Variants in PRKAG1 observed in about 807,000 individuals in gnomAD.
PRKAG1 encodes the protein 5'-AMP-activated protein kinase subunit gamma-1.
PRKAG1 carries 27 observed loss-of-function variants against 48.2 expected under a neutral mutation model. That is an observed-to-expected ratio of 0.56 (90% confidence interval 0.41 to 0.77). PRKAG1 has a LOEUF of 0.77. PRKAG1 is among the 30% of genes least tolerant of loss of function. PRKAG1 has a pLI of 0.00. For missense variants in PRKAG1, 287 were observed against 398.3 expected (o/e 0.72, Z 2.38); for synonymous variants, 130 against 147.7 (o/e 0.88, Z 0.87).
intron 2 of PRKAG1, among the ~76,000 whole-genome samples, chr12:49,008,021 G>A (rs940397687): frequency 6.6e-6 from 1 of 151,848 alleles, no homozygotes; most frequent in African/African-American, 2.4e-5. Context: ...CACCATGCCC[G>A]GCTAAATTTT....
At position 49,005,913 on chromosome 12, in the gene PRKAG1, C is replaced by T. The variant is rs1941519334; in HGVS notation, c.59-61G>A. ...CATAAAAACTCCCAATCAAAAGAGA[C>T]AGAAAACAAAATAGTGTTCTAGTAT... On this transcript the variant is annotated intron_variant, in intron 2 of 11. Transcript: ENST00000548065. This position sits in a 1 kb window ranked among gnomAD's most constrained non-coding sequence, Gnocchi z 4.1. 4.9e-5 allele frequency: 62 copies of T among 1,260,896 alleles called. 1 individual carries two copies. The South Asian group carries it at 8.8e-4, about 18-fold the overall frequency. 78.1% of individuals were successfully genotyped at this position (1,260,896 alleles called of 1,614,324 possible). A position where few individuals can be genotyped will look rare whatever the true frequency, so the allele number is the denominator to read the frequency against.
At chr12:49,017,093 A>G (rs1178798366) in intron 1 of PRKAG1, 2 of 453,028 alleles carry the variant, frequency 4.4e-6, no homozygotes, top group South Asian at 1.6e-5. Context: ...CTCTGTTTTC[A>G]TATTGATGAC....
chr12:49,008,403 A>G (rs1276004468), intron 2 of PRKAG1: 1 of 152,182 alleles, frequency 6.6e-6, no homozygotes, highest in Non-Finnish European at 1.5e-5. Flanking sequence ...CTACCCAAAG[A>G]AATCTCCCTG....
chr12:49,012,465 C>T (rs1234444857), intron 2 of PRKAG1: 1 of 151,828 alleles, frequency 6.6e-6, no homozygotes, highest in Non-Finnish European at 1.5e-5. Context: ...GCAATTTCTG[C>T]CTCCCTGGTT....
intron 2 of PRKAG1, among the ~76,000 whole-genome samples, chr12:49,006,669 C>CT (rs1941547855): frequency 6.6e-6 from 1 of 152,172 alleles, no homozygotes; most frequent in Non-Finnish European, 1.5e-5. Flanking sequence ...ACTACGTGCA[C>CT]TTAAAAATAT....
Position 49,005,634 on chromosome 12 carries a change from T to C in PRKAG1, c.169-91A>G, listed in dbSNP as rs756484181. Reference sequence around the variant, plus strand: ...GTGTTTGGGCATGTTGGGTAAAACATGAGACTAACTTCACAGAAGGATAAG... The same window carrying C: ...GTGTTTGGGCATGTTGGGTAAAACACGAGACTAACTTCACAGAAGGATAAG... On this transcript the variant is annotated intron_variant, in intron 3 of 11. Coordinates refer to ENST00000548065, the MANE Select transcript of PRKAG1 (RefSeq NM_002733.5). The surrounding 1 kb of genome is among the most constrained non-coding windows in gnomAD (Gnocchi z 4.1). The C allele has an allele frequency of 3.1e-6, 5 of 1,612,408 alleles. No homozygotes were observed. The highest frequency in any genetic ancestry group is 4.2e-6 in the Non-Finnish European group (5 of 1,179,088).
At position 49,002,344 on chromosome 12, in the gene PRKAG1, C is replaced by G. The variant is rs1941323213; in HGVS notation, c.*555G>C. The G allele has an allele frequency of 1.1e-5, 2 of 185,028 alleles. No homozygotes were observed. The highest frequency in any genetic ancestry group is 2.3e-5 in the Non-Finnish European group (2 of 87,370). 11.5% of individuals were successfully genotyped at this position (185,028 alleles called of 1,614,324 possible). A position where few individuals can be genotyped will look rare whatever the true frequency, so the allele number is the denominator to read the frequency against. On this transcript the variant is annotated 3_prime_UTR_variant, in exon 12 of 12. Transcript: ENST00000548065. The stretch of plus-strand genomic sequence containing the variant: ...AATAACCTTAGCTAACCACGCTGCT[C>G]TCCTCCTCCACCTAACCCCCATCTC...
Position 49,003,881 on chromosome 12 carries a change from CAG to C in PRKAG1, c.577_578del (p.Leu193GlyfsTer40). 1 of 1,613,014 alleles carries C rather than the reference CAG, an allele frequency of 6.2e-7. No homozygotes were observed. Among genetic ancestry groups the C allele is most frequent in the Non-Finnish European group, 8.5e-7 (1 of 1,179,390 alleles). On this transcript the variant is annotated frameshift_variant, in exon 9 of 12. Transcript: ENST00000548065. LOFTEE classifies it high-confidence loss of function. ...CATAGGTGCCAATCTGTAGCTCTTC[CAG>C]AGACTTGGACATGAACTCTGGCTTG... ...FPKPEFMSKS[L>X]EELQIGTYAN...
intron 1 of PRKAG1, among the ~76,000 whole-genome samples, chr12:49,013,535 C>T (rs1212443498): frequency 6.6e-6 from 1 of 152,140 alleles, no homozygotes; most frequent in African/African-American, 2.4e-5. Context: ...CGAGTTACTG[C>T]ACCCAGCCTT....
At chr12:49,018,627 G>C in intron 1 of PRKAG1, 105 bp downstream of exon 1, 1 of 1,588,244 alleles carries the variant, frequency 6.3e-7, no homozygotes, top group South Asian at 1.1e-5. Context: ...CTTTTTGTTT[G>C]CTAGACACCA....
rs188013506 is a variant in PRKAG1 at position 49,006,809 on chromosome 12, A to G, written c.59-957T>C. The stretch of plus-strand genomic sequence containing the variant: ...ACATGGATAAACCCTGTCTCTATTA[A>G]AAATACAAAATTAGCCGGGCATGGT... On this transcript the variant is annotated intron_variant, in intron 2 of 11. Transcript: ENST00000548065. Among the ~76,000 whole-genome samples the G allele has an allele frequency of 3.6e-3, 551 of 151,700 alleles. 5 individuals carry two copies. Among genetic ancestry groups the G allele is most frequent in the Non-Finnish European group, 4.0e-3 (275 of 67,924 alleles).
At position 49,003,864 on chromosome 12, in the gene PRKAG1, C is replaced by G; in HGVS notation, c.596G>C (p.Gly199Ala). ...AACCATAGCAATATTGGCATAGGTG[C>G]CAATCTGTAGCTCTTCCAGAGACTT... ...MSKSLEELQI[G>A]TYANIAMVRT... Residue 199 changes from glycine (G) to alanine (A), a missense_variant, in exon 9 of 12, where the codon GGC becomes GCC. By Grantham distance (60) the Gly-to-Ala change is moderately conservative. Transcript: ENST00000548065. The G allele has an allele frequency of 6.2e-7, 1 of 1,613,962 alleles. No homozygotes were observed. Among genetic ancestry groups the G allele is most frequent in the South Asian group, 1.1e-5 (1 of 91,066 alleles).
chr12:49,003,648 C>G, intron 9 of PRKAG1, 53 bp from the exon 10 acceptor site: 1 of 1,612,092 alleles, frequency 6.2e-7, no homozygotes. Flanking sequence ...AAAGCTCCCC[C>G]TACTCATAGA....
In PRKAG1 at chr12:49,004,953, C is replaced by G. The variant is rs201814703; in HGVS notation, c.410+11G>C. On this transcript the variant is annotated intron_variant, in intron 7 of 11. Transcript: ENST00000548065. ...TTCCGCTTTTTGGACAGATGGGTAA[C>G]TGGAACTCACCTGGCATTAGGAGAA... The G allele has an allele frequency of 1.8e-5, 29 of 1,613,306 alleles. No individual in the cohort carries two copies. The highest frequency in any genetic ancestry group is 6.7e-5 in the Admixed American group (4 of 59,920).
intron 7 of PRKAG1, 33 bp downstream of exon 7, chr12:49,004,931 C>T (rs200827360): frequency 4.7e-5 from 76 of 1,608,800 alleles, no homozygotes; most frequent in African/African-American, 2.7e-4. Context: ...AAATCTCTTC[C>T]GCTTTTTGGA....
chr12:49,018,519 C>T, intron 1 of PRKAG1: 2 of 1,428,788 alleles, frequency 1.4e-6, no homozygotes, highest in Non-Finnish European at 1.8e-6. Flanking sequence ...AAGGGTACCG[C>T]GTACGGAAAG....
At position 49,005,593 on chromosome 12, in the gene PRKAG1, C is replaced by T. The variant is rs776629014; in HGVS notation, c.169-50G>A. 8.1e-6 allele frequency: 13 copies of T among 1,613,654 alleles called. No individual in the cohort carries two copies. In the African/African-American group the frequency reaches 1.2e-4, roughly 15 times the overall value. ...TAAAGGCAAATCCACAGGGGCAGGA[C>T]TGTAAAAAAAGAACAGTGTTTGGGC... On this transcript the variant is annotated intron_variant, in intron 3 of 11. Coordinates refer to ENST00000548065, the MANE Select transcript of PRKAG1 (RefSeq NM_002733.5). The surrounding 1 kb of genome is among the most constrained non-coding windows in gnomAD (Gnocchi z 4.1).
chr12:49,006,013 C>A (rs1291492385), intron 2 of PRKAG1, 161 bp from the exon 3 acceptor site: 5 of 568,740 alleles, frequency 8.8e-6, no homozygotes, highest in Non-Finnish European at 1.2e-5. Context: ...TTCCACAAAA[C>A]CTGGATAAAC....
Position 49,005,437 on chromosome 12 carries a change from T to A in PRKAG1, c.250+25A>T. On this transcript the variant is annotated intron_variant, in intron 4 of 11. Transcript: ENST00000548065. This position sits in a 1 kb window ranked among gnomAD's most constrained non-coding sequence, Gnocchi z 4.1. Reference sequence around the variant, plus strand: ...TGCCCAGCACAAGATGCCAATAATATTGTGTTCCAGAAACTTTTGCTTACC... The same window carrying A: ...TGCCCAGCACAAGATGCCAATAATAATGTGTTCCAGAAACTTTTGCTTACC... 6.8e-6 allele frequency: 11 copies of A among 1,614,056 alleles called. No homozygotes were observed. The highest frequency in any genetic ancestry group is 9.3e-6 in the Non-Finnish European group (11 of 1,180,028).
Sources: gnomAD v4.1 joint callset for allele counts (sites outside exome capture counted in the v4.1 genomes callset) on GRCh38, gnomAD v4.1.1 for gene constraint, Gnocchi (gnomAD v3.1) non-coding constraint, MANE v1.5 for transcripts, NCBI Gene and HGNC (gene_info 2026-07-23, HGNC 2026-07-21) for gene names.